PRUNE2: variants seen among roughly 807,000 people sequenced by gnomAD.
PRUNE2 encodes protein prune homolog 2.
A neutral mutation model predicts 252.0 loss-of-function variants in PRUNE2; 164 were observed. That is an observed-to-expected ratio of 0.65 (90% CI 0.57 to 0.74). The LOEUF (loss-of-function observed/expected upper bound fraction) is 0.74. PRUNE2 is among the 30% of genes least tolerant of loss of function. The probability of loss-of-function intolerance (pLI) is 0.00; values close to 1 mark genes in which losing one functional copy is unlikely to be tolerated. For missense variants in PRUNE2, 3,495 were observed against 3,711.0 expected (o/e 0.94, Z 1.51); for synonymous variants, 1,292 against 1,350.2 (o/e 0.96, Z 0.94).
At position 76,708,532 on chromosome 9, in the gene PRUNE2, A is replaced by G. The variant is rs774915415; in HGVS notation, c.3742T>C (p.Leu1248=). 1.3e-5 allele frequency: 21 copies of G among 1,613,980 alleles called. No individual in the cohort carries two copies. Among genetic ancestry groups the G allele is most frequent in the Non-Finnish European group, 1.7e-5 (20 of 1,179,892 alleles). Residue 1248 remains leucine, a synonymous_variant, in exon 8 of 19, where the codon TTG becomes CTG. Coordinates refer to ENST00000376718, the MANE Select transcript of PRUNE2 (RefSeq NM_015225.3). ...SHITDSEQRE[L]PPEIPSHSAN... ...GAATGGCTGGGGATTTCAGGAGGCA[A>G]TTCCCTTTGCTCTGAATCTGTGATA...
At chr9:76,620,318 T>A (rs1831663890) in intron 17 of PRUNE2, among the ~76,000 whole-genome samples, 1 of 152,068 alleles carries the variant, frequency 6.6e-6, no homozygotes, top group Admixed American at 6.5e-5. Flanking sequence ...TTTCATATTT[T>A]TGGTAGGGGT....
intron 1 of PRUNE2, among the ~76,000 whole-genome samples, chr9:76,858,777 G>T (rs927140215): frequency 6.9e-6 from 1 of 145,742 alleles, no homozygotes; most frequent in Non-Finnish European, 1.5e-5. Context: ...AAAAAAGAAA[G>T]AAAAAAAAAG....
At position 76,710,855 on chromosome 9, in the gene PRUNE2, A is replaced by G. The variant is rs763573233; in HGVS notation, c.1419T>C (p.Pro473=). 3.2e-6 allele frequency: 5 copies of G among 1,543,748 alleles called. No homozygotes were observed. In the South Asian group the frequency reaches 6.4e-5, roughly 20 times the overall value. ...CATGTTCCTCCGCCACCGCCCCTTC[A>G]GGGATGGGGCTGTAGGAGTCAAGCC... ...LPGLDSYSPI[P]EGAVAEEHAW... The change falls in exon 8 of 19, where the codon CCT becomes CCC. Residue 473 remains proline, a synonymous_variant. Transcript: ENST00000376718.
At chr9:76,656,155 A>G (rs10735648) in intron 9 of PRUNE2, among the ~76,000 whole-genome samples, 49,946 of 152,092 alleles carry the variant, frequency 0.33, 10,450 homozygotes, top group African/African-American at 0.6. Flanking sequence ...CTGAGCCCAC[A>G]ACCATCTGTA....
At chr9:76,785,509 C>T (rs2054884908) in intron 6 of PRUNE2, 1 of 152,190 alleles carries the variant, frequency 6.6e-6, no homozygotes, top group Non-Finnish European at 1.5e-5. Flanking sequence ...AAGCTTTTCA[C>T]AGAATTCATG....
rs146662370 is a variant in PRUNE2 at position 76,656,904 on chromosome 9, G to C, written c.8277-1402C>G. 2.0e-3 allele frequency among the ~76,000 whole-genome samples: 309 copies of C among 152,262 alleles called. 1 individual carries two copies. The highest frequency in any genetic ancestry group is 7.1e-3 in the African/African-American group (295 of 41,536). ...ACTAGACCTGTGCCCTGGTAGCAAA[G>C]GGGCATGCAAGAGGTTGGCATGTAA... On this transcript the variant is annotated intron_variant, in intron 9 of 18. Transcript: ENST00000376718.
At chr9:76,617,950 A>T (rs1830461046) in intron 18 of PRUNE2, among the ~76,000 whole-genome samples, 1 of 152,116 alleles carries the variant, frequency 6.6e-6, no homozygotes. Context: ...TTGCAAAAAG[A>T]ATTATCGTGC....
intron 9 of PRUNE2, among the ~76,000 whole-genome samples, chr9:76,675,419 GTGC>G (rs2042341675): frequency 2.7e-5 from 1 of 36,370 alleles, no homozygotes; most frequent in Non-Finnish European, 7.3e-5. Flanking sequence ...GAAACAACAG[GTGC>G]TGGAGAGGAT....
At chr9:76,753,713 G>A (rs1015976165) in intron 6 of PRUNE2, among the ~76,000 whole-genome samples, 18 of 152,076 alleles carry the variant, frequency 1.2e-4, no homozygotes, top group South Asian at 2.1e-4. Context: ...AGGAGATCGT[G>A]ACCATCCTGG....
intron 1 of PRUNE2, among the ~76,000 whole-genome samples, chr9:76,903,519 G>C (rs2063303735): frequency 6.6e-6 from 1 of 152,090 alleles, no homozygotes; most frequent in African/African-American, 2.4e-5. Context: ...AATCAGCATG[G>C]TAAATTTCTT....
At chr9:76,677,588 A>C (rs941133483) in intron 9 of PRUNE2, among the ~76,000 whole-genome samples, 7 of 152,202 alleles carry the variant, frequency 4.6e-5, no homozygotes, top group African/African-American at 1.4e-4. Flanking sequence ...AGATATGTGC[A>C]CCAGTGTTCG....
chr9:76,708,682 C>G lies in PRUNE2; in HGVS notation c.3592G>C (p.Asp1198His), dbSNP rs370766296. ...ELPASDEHTK[D>H]SAPSEHHTLN... is the part of the protein sequence containing the mutation. The stretch of plus-strand genomic sequence containing the variant: ...GTGTGATGTTCACTGGGAGCACTGT[C>G]CTTGGTATGCTCATCAGAGGCAGGG... Residue 1198 changes from aspartate (D) to histidine (H), a missense_variant, in exon 8 of 19, where the codon GAC (aspartate) becomes CAC (histidine). Transcript: ENST00000376718. The G allele has an allele frequency of 1.1e-5, 17 of 1,613,976 alleles. No homozygotes were observed. The highest frequency in any genetic ancestry group is 1.4e-5 in the Non-Finnish European group (16 of 1,179,884).
intron 1 of PRUNE2, among the ~76,000 whole-genome samples, chr9:76,856,178 T>C (rs929100871): frequency 6.6e-6 from 1 of 152,052 alleles, no homozygotes; most frequent in African/African-American, 2.4e-5. Flanking sequence ...TGGACCAGGG[T>C]GGTTCCCAGA....
intron 9 of PRUNE2, among the ~76,000 whole-genome samples, chr9:76,681,349 A>T (rs2043404992): frequency 6.6e-6 from 1 of 151,960 alleles, no homozygotes; most frequent in Non-Finnish European, 1.5e-5. Context: ...AACGTTCTGG[A>T]GATCTAGGCA....
At chr9:76,761,822 G>A (rs566362436) in intron 6 of PRUNE2, among the ~76,000 whole-genome samples, 2 of 152,252 alleles carry the variant, frequency 1.3e-5, no homozygotes, top group South Asian at 2.1e-4. Flanking sequence ...TCTATCTTAT[G>A]TAGATTTTGA....
At chr9:76,818,773 G>A (rs1221907301) in intron 6 of PRUNE2, among the ~76,000 whole-genome samples, 2 of 152,264 alleles carry the variant, frequency 1.3e-5, no homozygotes, top group East Asian at 1.9e-4. Flanking sequence ...CAGGCAGCAG[G>A]TTCATACAGG....
chr9:76,734,257 T>C (rs2048884197), intron 6 of PRUNE2, among the ~76,000 whole-genome samples: 1 of 152,020 alleles, frequency 6.6e-6, no homozygotes, highest in African/African-American at 2.4e-5. Flanking sequence ...GATTTAATAA[T>C]CCTAAAATGG....
At chr9:76,815,196 G>C (rs1168288489) in intron 6 of PRUNE2, among the ~76,000 whole-genome samples, 1 of 152,198 alleles carries the variant, frequency 6.6e-6, no homozygotes, top group African/African-American at 2.4e-5. Flanking sequence ...TGTTTCAGGA[G>C]AGGAGGAAGA....
intron 1 of PRUNE2, chr9:76,863,164 T>G: frequency 6.6e-6 from 1 of 152,224 alleles, no homozygotes; most frequent in East Asian, 1.9e-4. Flanking sequence ...TTTTTGTATC[T>G]ATCCCTAGTT....
Sources: allele counts gnomAD v4.1 joint callset (sites outside exome capture counted in the v4.1 genomes callset), GRCh38; gene constraint gnomAD v4.1.1; transcripts MANE v1.5; gene names NCBI Gene and HGNC (gene_info 2026-07-23, HGNC 2026-07-21).